The following PEX1 variants were observed in gnomAD, a reference collection of about 807,000 sequenced individuals.
The protein encoded by PEX1 is peroxisomal biogenesis factor 1.
In PEX1, 97 loss-of-function variants were observed where a neutral mutation model predicts 152.5. The ratio of observed to expected loss-of-function variants is 0.64; its 90% CI spans 0.54 to 0.75. PEX1 has a LOEUF of 0.75. PEX1 is among the 30% of genes least tolerant of loss of function. PEX1 has a pLI of 0.00. For missense variants in PEX1, 1,357 were observed against 1,516.3 expected (o/e 0.89, Z 1.74); for synonymous variants, 485 against 531.6 (o/e 0.91, Z 1.21).
In PEX1 at chr7:92,518,010, G is replaced by A; in HGVS notation, c.505C>T (p.Leu169=). Residue 169 remains leucine, a synonymous_variant, in exon 5 of 24, where the codon CTG becomes TTG. Transcript: ENST00000248633. ...ALIPAASYGR[L]ETDTKLLIQP... ...ATAAGGAGTTTGGTGTCAGTTTCCAGCCTTCCATAAGAGGCAGCTGGTATT... is the reference window on the plus strand; with the variant it reads ...ATAAGGAGTTTGGTGTCAGTTTCCAACCTTCCATAAGAGGCAGCTGGTATT... The A allele has an allele frequency of 6.2e-7, 1 of 1,614,052 alleles. No individual in the cohort carries two copies. The highest frequency in any genetic ancestry group is 1.3e-5 in the African/African-American group (1 of 75,044).
intron 8 of PEX1, 79 bp downstream of exon 8, chr7:92,510,865 T>A (rs1243873911): frequency 3.9e-6 from 3 of 778,564 alleles, no homozygotes; most frequent in African/African-American, 3.5e-5. Flanking sequence ...ATGCAAGGTG[T>A]TACAAGGAAC....
rs377337949 is a variant in PEX1 at position 92,522,254 on chromosome 7, A to G, written c.130-9T>C. 2.5e-4 allele frequency: 408 copies of G among 1,613,620 alleles called. 2 individuals are homozygous for G. The African/African-American group carries it at 4.8e-3, about 19-fold the overall frequency. ...ACTTCTATAGCTTGATTCTATTCATATAAGAAATGAGAGGAAAAAAGGTTT... is the reference window on the plus strand; with the variant it reads ...ACTTCTATAGCTTGATTCTATTCATGTAAGAAATGAGAGGAAAAAAGGTTT... On this transcript the variant is annotated splice_polypyrimidine_tract_variant and intron_variant, in intron 1 of 23. Transcript: ENST00000248633.
Position 92,528,376 on chromosome 7 carries a change from G to A in PEX1, c.60C>T (p.Ala20=). Residue 20 remains alanine (A), a synonymous_variant, in exon 1 of 24, where the codon GCC becomes GCT. Transcript: ENST00000248633. ...AGGGGAAVTV[A]FTNARDCFLH... The stretch of plus-strand genomic sequence containing the variant: ...GGAAGCAGTCGCGAGCGTTGGTGAA[G>A]GCCACAGTCACTGCCGCCCCGCCTC... 6.3e-7 allele frequency: 1 copy of A among 1,592,798 alleles called. No individual in the cohort carries two copies. Among genetic ancestry groups the A allele is most frequent in the Non-Finnish European group, 8.5e-7 (1 of 1,171,320 alleles).
At chr7:92,527,130 A>C (rs905927227) in intron 1 of PEX1, among the ~76,000 whole-genome samples, 5 of 152,254 alleles carry the variant, frequency 3.3e-5, no homozygotes, top group Non-Finnish European at 7.3e-5. Context: ...ATTAATTCTT[A>C]TAAGTACTTC....
intron 1 of PEX1, among the ~76,000 whole-genome samples, chr7:92,523,526 T>C (rs1793140399): frequency 6.6e-6 from 1 of 151,980 alleles, no homozygotes; most frequent in African/African-American, 2.4e-5. Flanking sequence ...ACTATGTTGC[T>C]TAGGCTGGTC....
intron 20 of PEX1, among the ~76,000 whole-genome samples, chr7:92,492,203 G>A (rs879637483): frequency 3.9e-5 from 6 of 152,146 alleles, no homozygotes; most frequent in Non-Finnish European, 8.8e-5. Context: ...CTGGAGTGCA[G>A]TGGCACAAGC....
intron 8 of PEX1, 93 bp downstream of exon 8, chr7:92,510,851 C>T: frequency 7.2e-6 from 5 of 697,634 alleles, no homozygotes; most frequent in Non-Finnish European, 1.3e-5. Flanking sequence ...TAATACACTT[C>T]ACAATGCAAG....
chr7:92,516,714 C>T (rs1011425258), intron 5 of PEX1, among the ~76,000 whole-genome samples: 1 of 152,146 alleles, frequency 6.6e-6, no homozygotes, highest in African/African-American at 2.4e-5. Context: ...GGCTGGAGCA[C>T]TAGTTGCCCT....
intron 15 of PEX1, among the ~76,000 whole-genome samples, chr7:92,501,069 C>T (rs1220621642): frequency 6.6e-6 from 1 of 151,866 alleles, no homozygotes; most frequent in Non-Finnish European, 1.5e-5. Flanking sequence ...ACTATCACCT[C>T]AGCTTTCCAT....
Position 92,521,971 on chromosome 7 carries a change from C to G in PEX1, c.273+131G>C, listed in dbSNP as rs1463760307. On this transcript the variant is annotated intron_variant, in intron 2 of 23. Coordinates refer to ENST00000248633, the MANE Select transcript of PEX1 (RefSeq NM_000466.3). ...GTATAGTCAGCTTCAATATCCTAGA[C>G]TAGTTACATAATAGCATACAAATTA... The G allele has an allele frequency of 5.9e-6, 5 of 846,538 alleles. No individual in the cohort carries two copies. The African/African-American group carries it at 8.5e-5, about 14-fold the overall frequency. The allele number at this position is 846,538 out of a possible 1,614,324, so 52.4% of individuals were successfully genotyped here.
At chr7:92,487,872 GA>G (rs1791019815) in intron 23 of PEX1, among the ~76,000 whole-genome samples, 1 of 152,086 alleles carries the variant, frequency 6.6e-6, no homozygotes, top group South Asian at 2.1e-4. Context: ...GCCAAGTTTA[GA>G]AAAATACTGC....
At chr7:92,503,301 G>A (rs1355907065) in intron 12 of PEX1, 106 bp from the exon 13 acceptor site, 2 of 949,886 alleles carry the variant, frequency 2.1e-6, no homozygotes, top group Non-Finnish European at 1.6e-6. Context: ...CCTTTAAGGT[G>A]CAGTATGTAT....
chr7:92,501,910 T>G lies in PEX1; in HGVS notation c.2396A>C (p.Gln799Pro). 1.2e-6 allele frequency: 2 copies of G among 1,613,836 alleles called. No homozygotes were observed. Among genetic ancestry groups the G allele is most frequent in the Non-Finnish European group, 1.7e-6 (2 of 1,179,742 alleles). The change falls in exon 14 of 24, where the codon CAG becomes CCG. Residue 799 changes from glutamine (Q) to proline (P), a missense_variant. Physicochemically the swap from Gln to Pro is moderately conservative, Grantham distance 76. Coordinates refer to ENST00000248633, the MANE Select transcript of PEX1 (RefSeq NM_000466.3). ...DRAIHSRLSR[Q>P]SISTREKLVL... ...CATACTTTCTCTGGTGGATATACTC[T>G]GACGAGAGAGTCGAGAATGTATGGC... is the stretch of plus-strand genomic sequence containing the variant.
At position 92,516,040 on chromosome 7, in the gene PEX1, AGAGAAGAGAAGAGAAAAAAGAAAAG is replaced by A. The variant is rs1426002928; in HGVS notation, c.1239+1211_1239+1235del. Among the ~76,000 whole-genome samples, 306 of 113,548 alleles carry A rather than the reference AGAGAAGAGAAGAGAAAAAAGAAAAG, an allele frequency of 2.7e-3. 3 individuals carry two copies. Among genetic ancestry groups the A allele is most frequent in the African/African-American group, 7.3e-3 (221 of 30,276 alleles). The allele number at this position is 113,548 out of a possible 152,430, so 74.5% of individuals were successfully genotyped here. On this transcript the variant is annotated intron_variant, in intron 5 of 23. Coordinates refer to ENST00000248633, the MANE Select transcript of PEX1 (RefSeq NM_000466.3). ...AGAGAAGAGAAGAGAAGAGAAGAGA[AGAGAAGAGAAGAGAAAAAAGAAAAG>A]AAAAGAAAAGAAAAGAAAAGAAAAG...
Position 92,503,067 on chromosome 7 carries a change from C to T in PEX1, c.2200G>A (p.Val734Ile), listed in dbSNP as rs141510219. 365 of 1,613,318 alleles carry T rather than the reference C, an allele frequency of 2.3e-4. 1 individual carries two copies. Among genetic ancestry groups the T allele is most frequent in the Admixed American group, 5.2e-4 (31 of 59,984 alleles). ...SAQGVHIFQCVQHIQPPNQEQ... is the reference protein window; with the variant it reads ...SAQGVHIFQCIQHIQPPNQEQ... ...TGATTAGGAGGCTGAATGTGTTGGA[C>T]GCACTGAAATATGTGAACTCCTTGA... The change falls in exon 13 of 24, where the codon GTC becomes ATC. Residue 734 changes from valine (V) to isoleucine (I), a missense_variant. Val to Ile is a conservative substitution (Grantham distance 29). Transcript: ENST00000248633.
chr7:92,496,217 C>T (rs1437574615), intron 17 of PEX1, among the ~76,000 whole-genome samples: 1 of 151,904 alleles, frequency 6.6e-6, no homozygotes, highest in African/African-American at 2.4e-5. Context: ...TTAAAACTCC[C>T]CATAATGCTA....
In PEX1 at chr7:92,511,057, A is replaced by G; in HGVS notation, c.1484-10T>C. On this transcript the variant is annotated splice_polypyrimidine_tract_variant and intron_variant, in intron 7 of 23. Transcript: ENST00000248633. ...GAAAATTCCTTCAGTCCTATTAAAA[A>G]GAAAGTAATAAATGCAGAGTTAGTA... is the stretch of plus-strand genomic sequence containing the variant. The G allele has an allele frequency of 8.3e-7, 1 of 1,210,324 alleles. No individual in the cohort carries two copies. Among genetic ancestry groups the G allele is most frequent in the Non-Finnish European group, 1.2e-6 (1 of 814,850 alleles). The allele number at this position is 1,210,324 out of a possible 1,614,324, so 75.0% of individuals were successfully genotyped here.
intron 21 of PEX1, 142 bp downstream of exon 21, chr7:92,491,128 TAA>T: frequency 1.6e-6 from 1 of 644,894 alleles, no homozygotes; most frequent in Admixed American, 2.5e-5. Flanking sequence ...CCAATTAGTG[TAA>T]GCAAGAAACA....
At chr7:92,494,939 T>A (rs1791579206) in intron 17 of PEX1, among the ~76,000 whole-genome samples, 1 of 151,880 alleles carries the variant, frequency 6.6e-6, no homozygotes. Flanking sequence ...GACCCATGCC[T>A]TCTGGATAGA....
Sources: gnomAD v4.1 joint callset for allele counts (sites outside exome capture counted in the v4.1 genomes callset) on GRCh38, gnomAD v4.1.1 for gene constraint, MANE v1.5 for transcripts, NCBI Gene and HGNC (gene_info 2026-07-23, HGNC 2026-07-21) for gene names.